The following BLTP3B variants were observed in gnomAD, a reference collection of about 807,000 sequenced individuals.
The protein encoded by BLTP3B is bridge-like lipid transfer protein family member 3B, also known as UHRF1 (ICBP90) binding protein 1-like.
chr12:100,040,405 G>A, the BLTP3B span, among the ~76,000 whole-genome samples: 1 of 152,114 alleles, frequency 6.6e-6, no homozygotes, highest in Non-Finnish European at 1.5e-5. Flanking sequence ...ACTTAAGCCT[G>A]GCACAGTGGC....
chr12:100,073,352 TACAG>T, the BLTP3B span, among the ~76,000 whole-genome samples: 1 of 148,712 alleles, frequency 6.7e-6, no homozygotes, highest in African/African-American at 2.6e-5. Context: ...AATATATAGA[TACAG>T]ACACAGATTT....
At chr12:100,112,352 A>C in the BLTP3B span, among the ~76,000 whole-genome samples, 1 of 152,086 alleles carries the variant, frequency 6.6e-6, no homozygotes, top group Admixed American at 6.5e-5. Flanking sequence ...AAAATTTAAA[A>C]AAGAATTAGC....
chr12:100,068,637 T>A, the BLTP3B span, among the ~76,000 whole-genome samples: 1 of 151,766 alleles, frequency 6.6e-6, no homozygotes, highest in South Asian at 2.1e-4. Flanking sequence ...TGAACTCAAA[T>A]CAACAAGAAA....
chr12:100,073,573 A>ATG, the BLTP3B span, among the ~76,000 whole-genome samples: 2,322 of 152,000 alleles, frequency 0.015, 63 homozygotes, highest in African/African-American at 0.053. Context: ...AAATATGTAT[A>ATG]TGTGTGTGTA....
At chr12:100,135,926 C>T in the BLTP3B span, among the ~76,000 whole-genome samples, 1 of 151,966 alleles carries the variant, frequency 6.6e-6, no homozygotes, top group Non-Finnish European at 1.5e-5. Context: ...AAAGTGAATA[C>T]TGTCAGCCAG....
the BLTP3B span, among the ~76,000 whole-genome samples, chr12:100,066,708 G>T: frequency 1.3e-5 from 2 of 151,646 alleles, no homozygotes; most frequent in African/African-American, 4.8e-5. Flanking sequence ...GGAGGCTGAA[G>T]CAGGAGAATG....
the BLTP3B span, among the ~76,000 whole-genome samples, chr12:100,070,698 A>C: frequency 1.4e-4 from 22 of 152,322 alleles, no homozygotes; most frequent in African/African-American, 3.1e-4. Flanking sequence ...TGAAACTAAA[A>C]ACATATATTA....
chr12:100,088,960 G>GGTCGCCGT, the BLTP3B span: 1 of 1,584,068 alleles, frequency 6.3e-7, no homozygotes, highest in Non-Finnish European at 8.6e-7. Flanking sequence ...AGATCTAGAT[G>GGTCGCCGT]AGAAATCACT....
the BLTP3B span, among the ~76,000 whole-genome samples, chr12:100,124,080 CAT>C: frequency 6.6e-6 from 1 of 151,818 alleles, no homozygotes; most frequent in Admixed American, 6.6e-5. Context: ...GCCTGGGAAA[CAT>C]AGCAAGACCC....
the BLTP3B span, among the ~76,000 whole-genome samples, chr12:100,117,093 G>A: frequency 6.6e-6 from 1 of 152,154 alleles, no homozygotes; most frequent in Non-Finnish European, 1.5e-5. Flanking sequence ...ATAACTTGGA[G>A]AAAATAGAGA....
the BLTP3B span, chr12:100,086,371 A>AGG: frequency 4.2e-6 from 2 of 471,226 alleles, no homozygotes; most frequent in Admixed American, 3.0e-5. Context: ...GGGAAAAAAA[A>AGG]AGGGGGGGGG....
the BLTP3B span, among the ~76,000 whole-genome samples, chr12:100,075,523 A>G: frequency 6.6e-6 from 1 of 152,180 alleles, no homozygotes; most frequent in Non-Finnish European, 1.5e-5. Context: ...ACAGCAAAAT[A>G]AACTATCAAC....
chr12:100,095,827 C>CA, the BLTP3B span: 1 of 1,604,084 alleles, frequency 6.2e-7, no homozygotes. Flanking sequence ...TATGACATTG[C>CA]AGTCCTTTAA....
chr12:100,063,572 G>A, the BLTP3B span, among the ~76,000 whole-genome samples: 1 of 152,102 alleles, frequency 6.6e-6, no homozygotes, highest in Admixed American at 6.6e-5. Context: ...CTGGTGTGGT[G>A]GCAGGTGCCT....
the BLTP3B span, among the ~76,000 whole-genome samples, chr12:100,117,970 T>C: frequency 6.7e-6 from 1 of 148,896 alleles, no homozygotes; most frequent in Non-Finnish European, 1.5e-5. Context: ...ATACAAAGAA[T>C]GCCTTTTTTA....
At chr12:100,094,652 T>A in the BLTP3B span, among the ~76,000 whole-genome samples, 1 of 152,124 alleles carries the variant, frequency 6.6e-6, no homozygotes, top group Non-Finnish European at 1.5e-5. Flanking sequence ...AGGCCAGGAG[T>A]TCGGGACCAG....
chr12:100,128,543 G>GA, the BLTP3B span: 113,881 of 911,906 alleles, frequency 0.12, 1,272 homozygotes, highest in African/African-American at 0.24. Flanking sequence ...TTTATAGAAT[G>GA]AAAAAAAAAA....
the BLTP3B span, among the ~76,000 whole-genome samples, chr12:100,140,730 AT>A: frequency 0.084 from 5,105 of 61,026 alleles, 300 homozygotes; most frequent in Non-Finnish European, 0.1. Flanking sequence ...AAAAAAAAAA[AT>A]ATATATATAT....
At chr12:100,082,205 C>CT in the BLTP3B span, among the ~76,000 whole-genome samples, 2 of 152,190 alleles carry the variant, frequency 1.3e-5, no homozygotes, top group African/African-American at 4.8e-5. Context: ...GCACATATGT[C>CT]TTCTTTTGAG....
Sources: gnomAD v4.1 joint callset for allele counts (sites outside exome capture counted in the v4.1 genomes callset) on GRCh38, gnomAD v4.1.1 for gene constraint, MANE v1.5 for transcripts, NCBI Gene and HGNC (gene_info 2026-07-23, HGNC 2026-07-21) for gene names.